The following CMTR1 variants were observed in gnomAD, a reference collection of about 807,000 sequenced individuals.
CMTR1 encodes the protein cap methyltransferase 1.
A neutral mutation model predicts 107.0 loss-of-function variants in CMTR1; 39 were observed. The ratio of observed to expected loss-of-function variants is 0.36; its 90% CI spans 0.28 to 0.48. CMTR1 has a LOEUF of 0.48. Among genes scored for constraint, CMTR1 ranks in the 20% least tolerant of loss-of-function variants. CMTR1 has a pLI of 0.99. For synonymous variants in CMTR1, 366 were observed against 379.5 expected, an observed-to-expected ratio of 0.96 and a Z score of 0.41; for missense variants, 672 against 1,064.9, an observed-to-expected ratio of 0.63 and a Z score of 5.14.
the CMTR1 span, among the ~76,000 whole-genome samples, chr6:37,425,714 A>G: frequency 1.1e-4 from 16 of 152,094 alleles, no homozygotes; most frequent in East Asian, 3.1e-3. Context: ...TGCTTTCAAG[A>G]TTCTCTCTTT....
At chr6:37,437,127 T>G (rs746291845) in intron 2 of CMTR1, among the ~76,000 whole-genome samples, 2 of 152,078 alleles carry the variant, frequency 1.3e-5, no homozygotes, top group Non-Finnish European at 2.9e-5. Flanking sequence ...TAAAGCAAGC[T>G]TGTCCAACCT....
Position 37,450,410 on chromosome 6 carries a change from G to A in CMTR1, c.537+67G>A, listed in dbSNP as rs143804413. 471 of 1,174,634 alleles carry A rather than the reference G, an allele frequency of 4.0e-4. 2 individuals carry two copies. The East Asian group carries it at 9.9e-3, about 25-fold the overall frequency. 72.8% of individuals were successfully genotyped at this position (1,174,634 alleles called of 1,614,324 possible). On this transcript the variant is annotated intron_variant, in intron 5 of 23. Transcript: ENST00000373451. ...CTTGACTTTTCACTTGCTCGAGTCTGGTATTTACATACACTTGCAGTTTAA... is the reference window on the plus strand; with the variant it reads ...CTTGACTTTTCACTTGCTCGAGTCTAGTATTTACATACACTTGCAGTTTAA...
chr6:37,438,722 T>C (rs1448844130), intron 2 of CMTR1, among the ~76,000 whole-genome samples: 1 of 152,258 alleles, frequency 6.6e-6, no homozygotes, highest in Non-Finnish European at 1.5e-5. Context: ...GTTTTCATTT[T>C]GCCTGTCTCC....
At position 37,433,336 on chromosome 6, in the gene CMTR1, A is replaced by AC. The variant is rs758203685; in HGVS notation, c.-41dup. The AC allele has an allele frequency of 2.9e-3, 436 of 151,990 alleles. 1 individual carries two copies. The highest frequency in any genetic ancestry group is 5.1e-3 in the African/African-American group (211 of 41,272). 9.4% of individuals were successfully genotyped at this position (151,990 alleles called of 1,614,324 possible). A position where few individuals can be genotyped will look rare whatever the true frequency, so the allele number is the denominator to read the frequency against. On this transcript the variant is annotated 5_prime_UTR_variant, in exon 1 of 24. Coordinates refer to ENST00000373451, the MANE Select transcript of CMTR1 (RefSeq NM_015050.3). ...CAGCGGCGGCGACAGTGTCGGCCTG[A>AC]CCCCCCCTCCGCTCCCCGGCAGCTC...
chr6:37,479,396 T>A, intron 23 of CMTR1, 141 bp downstream of exon 23: 2 of 660,936 alleles, frequency 3.0e-6, no homozygotes, highest in Non-Finnish European at 5.4e-6. Flanking sequence ...GGCCTGAGAA[T>A]ACTTGTGGGG....
intron 22 of CMTR1, among the ~76,000 whole-genome samples, 158 bp from the exon 23 acceptor site, chr6:37,478,989 T>C (rs894155388): frequency 3.2e-4 from 49 of 152,152 alleles, no homozygotes; most frequent in African/African-American, 1.1e-3. Context: ...TGCAGCCCCT[T>C]TGGGCTGGTG....
chr6:37,446,706 T>TGG, intron 4 of CMTR1, among the ~76,000 whole-genome samples: 1 of 152,334 alleles, frequency 6.6e-6, no homozygotes, highest in East Asian at 1.9e-4. Context: ...AGGCAGAGTT[T>TGG]GGCTCCATAA....
intron 18 of CMTR1, among the ~76,000 whole-genome samples, chr6:37,475,040 G>C (rs1761708517): frequency 6.6e-6 from 1 of 152,196 alleles, no homozygotes; most frequent in Non-Finnish European, 1.5e-5. Flanking sequence ...CTGGCAAGGG[G>C]GGTAAGCCAG....
chr6:37,446,124 A>G (rs184024049), intron 3 of CMTR1, among the ~76,000 whole-genome samples, 167 bp from the exon 4 acceptor site: 1 of 152,236 alleles, frequency 6.6e-6, no homozygotes, highest in Non-Finnish European at 1.5e-5. Context: ...GCCCACAGTT[A>G]TACTGCAGTT....
rs1337706443 is a variant in CMTR1, at chr6:37,476,166, C to G, written c.2077C>G (p.Pro693Ala). ...AEKFVKAVSK[P>A]SRPDMNPIRV... ...GAAATTTGTGAAAGCCGTTTCCAAG[C>G]CTAGTCGGCCCGACATGAATCCCAT... The change falls in exon 20 of 24, where the codon CCT becomes GCT. Residue 693 changes from proline (P) to alanine (A), a missense_variant. Pro to Ala is a conservative substitution (Grantham distance 27). This residue lies in a region of CMTR1 where 583 missense variants were observed against 968.4 expected (regional missense o/e 0.60). Coordinates refer to ENST00000373451, the MANE Select transcript of CMTR1 (RefSeq NM_015050.3). 6.2e-7 allele frequency: 1 copy of G among 1,613,990 alleles called. No individual in the cohort carries two copies. Among genetic ancestry groups the G allele is most frequent in the African/African-American group, 1.3e-5 (1 of 74,900 alleles).
intron 21 of CMTR1, among the ~76,000 whole-genome samples, chr6:37,478,111 T>C (rs563986651): frequency 3.3e-4 from 50 of 152,310 alleles, no homozygotes; most frequent in Middle Eastern, 6.8e-3. Flanking sequence ...GTGGCTGCAG[T>C]GTTGCCATGG....
At chr6:37,447,019 G>A (rs1334393399) in intron 4 of CMTR1, among the ~76,000 whole-genome samples, 1 of 152,148 alleles carries the variant, frequency 6.6e-6, no homozygotes, top group South Asian at 2.1e-4. Context: ...CCTTTTCATG[G>A]CACAGACAAT....
chr6:37,471,648 T>C (rs973129000), intron 14 of CMTR1, among the ~76,000 whole-genome samples, 199 bp from the exon 15 acceptor site: 5 of 152,056 alleles, frequency 3.3e-5, no homozygotes, highest in African/African-American at 1.2e-4. Context: ...TCCCATTTCG[T>C]GTATGTTTGA....
rs748509854 is a variant in CMTR1 at position 37,478,539 on chromosome 6, G to A, written c.2266+18G>A. On this transcript the variant is annotated intron_variant, in intron 22 of 23. Transcript: ENST00000373451. ...AGTGAATGGTGGGTGAGGAGGGACT[G>A]TTCCCGCCATCCCCTCCCCTCTCCC... 1.9e-6 allele frequency: 3 copies of A among 1,588,916 alleles called. No homozygotes were observed. Among genetic ancestry groups the A allele is most frequent in the Non-Finnish European group, 2.6e-6 (3 of 1,157,250 alleles).
Position 37,478,507 on chromosome 6 carries a change from T to G in CMTR1, c.2252T>G (p.Val751Gly). 1 of 1,613,566 alleles carries G rather than the reference T, an allele frequency of 6.2e-7. No individual in the cohort carries two copies. Residue 751 changes from valine (V) to glycine (G), a missense_variant, in exon 22 of 24, where the codon GTC becomes GGC. By Grantham distance (109) the Val-to-Gly change is moderately radical. This residue lies in a region of CMTR1 where 583 missense variants were observed against 968.4 expected (regional missense o/e 0.60). Transcript: ENST00000373451. ...RHFVPMGLYI[V>G]RTVNEPWTMG... is the part of the protein sequence containing the mutation. ...TTTGTACCCATGGGCCTCTACATCG[T>G]CAGGACAGTGAATGGTGGGTGAGGA...
chr6:37,464,892 CTGTGTGTGTGTGTGTGTG>C (rs61375488), intron 13 of CMTR1, among the ~76,000 whole-genome samples: 1 of 148,246 alleles, frequency 6.7e-6, no homozygotes, highest in Admixed American at 6.7e-5. Context: ...TTCTAAAACG[CTGTGTGTGTGTGTGTGTG>C]TGTGTGTGTG....
At chr6:37,478,542 C>A in intron 22 of CMTR1, 21 bp downstream of exon 22, 1 of 1,578,256 alleles carries the variant, frequency 6.3e-7, no homozygotes, top group Non-Finnish European at 8.7e-7. Flanking sequence ...AGGGACTGTT[C>A]CCGCCATCCC....
intron 18 of CMTR1, among the ~76,000 whole-genome samples, chr6:37,474,958 AAG>A (rs1761707356): frequency 6.6e-6 from 1 of 152,168 alleles, no homozygotes; most frequent in Non-Finnish European, 1.5e-5. Flanking sequence ...CTTGGGAAAC[AAG>A]AGACTTGTTT....
At chr6:37,469,137 AAAAAAACAAAAAC>A (rs774719713) in intron 13 of CMTR1, among the ~76,000 whole-genome samples, 20 of 152,182 alleles carry the variant, frequency 1.3e-4, no homozygotes, top group Admixed American at 6.5e-4. Context: ...TCTGTTTAAA[AAAAAAACAAAAAC>A]AAAAAACAAA....
Sources: allele counts gnomAD v4.1 joint callset (sites outside exome capture counted in the v4.1 genomes callset), GRCh38; gene constraint gnomAD v4.1.1; regional missense constraint gnomAD v4.1.1; transcripts MANE v1.5; gene names NCBI Gene and HGNC (gene_info 2026-07-23, HGNC 2026-07-21).